Variants in USP49 observed in about 807,000 individuals in gnomAD.
USP49 encodes the protein ubiquitin specific peptidase 49.
A neutral mutation model predicts 58.6 loss-of-function variants in USP49; 24 were observed. The observed-to-expected ratio is 0.41, with a 90% CI of 0.30 to 0.58. The LOEUF (loss-of-function observed/expected upper bound fraction) is 0.58, where lower values mean the gene tolerates loss of function less well. Ranked by LOEUF, USP49 falls within the 20% of genes least tolerant of loss-of-function variation. USP49 has a pLI of 0.30. For missense variants in USP49, 703 were observed against 866.1 expected (o/e 0.81, Z 2.36); for synonymous variants, 408 against 365.1 (o/e 1.12, Z -1.34).
chr6:41,879,198 C>T (rs1192635378), intron 2 of USP49, among the ~76,000 whole-genome samples: 1 of 152,144 alleles, frequency 6.6e-6, no homozygotes, highest in Non-Finnish European at 1.5e-5. Context: ...AGTTTGAGAC[C>T]AGCCTGGCTA....
intron 3 of USP49, among the ~76,000 whole-genome samples, chr6:41,848,249 C>A (rs1773956840): frequency 6.6e-6 from 1 of 151,550 alleles, no homozygotes; most frequent in Admixed American, 6.6e-5. Context: ...ACATACATCG[C>A]TACAAAAAAA....
intron 7 of USP49, chr6:41,797,650 G>A: frequency 1.0e-6 from 1 of 985,864 alleles, no homozygotes; most frequent in South Asian, 4.7e-5. Flanking sequence ...CTCAGTAAAT[G>A]TTCTCGGCTT....
chr6:41,856,261 G>C lies in USP49; in HGVS notation c.-29+15303C>G, dbSNP rs1242857907. Among the ~76,000 whole-genome samples, 7 of 151,552 alleles carry C rather than the reference G, an allele frequency of 4.6e-5. No homozygotes were observed. In the South Asian group the frequency reaches 1.0e-3, roughly 23 times the overall value. On this transcript the variant is annotated intron_variant, in intron 3 of 7. Transcript: ENST00000682992. ...GTGGTGGCGGGCGCCTGTAGTCCCAGCTACTCGGAAGGCTGAGTCAGGAGA... is the reference window on the plus strand; with the variant it reads ...GTGGTGGCGGGCGCCTGTAGTCCCACCTACTCGGAAGGCTGAGTCAGGAGA...
chr6:41,818,349 A>G (rs1455835385), intron 3 of USP49, among the ~76,000 whole-genome samples: 3 of 152,178 alleles, frequency 2.0e-5, no homozygotes, highest in Non-Finnish European at 4.4e-5. Flanking sequence ...GTGTACACAC[A>G]CACACACATG....
intron 5 of USP49, among the ~76,000 whole-genome samples, chr6:41,800,436 AC>A (rs975207734): frequency 6.6e-6 from 1 of 152,240 alleles, no homozygotes; most frequent in Non-Finnish European, 1.5e-5. Flanking sequence ...GTCGACTGTT[AC>A]AAGCAACTCA....
At position 41,843,398 on chromosome 6, in the gene USP49, T is replaced by C. The variant is rs527725481; in HGVS notation, c.-29+28166A>G. ...AAAGTGCATCATCACGTTGGCTTTG[T>C]GTATAAGCATTGCGTATGTCGGAAA... On this transcript the variant is annotated intron_variant, in intron 3 of 7. Coordinates refer to ENST00000682992, the MANE Select transcript of USP49 (RefSeq NM_001286554.2). 1.2e-4 allele frequency among the ~76,000 whole-genome samples: 19 copies of C among 152,334 alleles called. 2 individuals carry two copies. The South Asian group carries it at 3.9e-3, about 32-fold the overall frequency.
intron 3 of USP49, among the ~76,000 whole-genome samples, chr6:41,862,306 T>A (rs932538200): frequency 1.3e-5 from 2 of 152,222 alleles, no homozygotes; most frequent in African/African-American, 4.8e-5. Context: ...CAGTAGTATT[T>A]GAGAATGCAT....
At chr6:41,852,368 A>T (rs1774046325) in intron 3 of USP49, among the ~76,000 whole-genome samples, 1 of 152,220 alleles carries the variant, frequency 6.6e-6, no homozygotes, top group African/African-American at 2.4e-5. Context: ...TTGCAAAAAA[A>T]TTGTTAGAAT....
chr6:41,798,565 G>A lies in USP49; in HGVS notation c.1876+159C>T, dbSNP rs988188819. 1.9e-5 allele frequency: 30 copies of A among 1,538,856 alleles called. No individual in the cohort carries two copies. The East Asian group carries it at 4.3e-4, about 22-fold the overall frequency. On this transcript the variant is annotated intron_variant, in intron 7 of 7. Coordinates refer to ENST00000682992, the MANE Select transcript of USP49 (RefSeq NM_001286554.2). Reference sequence around the variant, plus strand: ...CGCTAGGATTACAGGTGTGAGCCACGGCGCCCAACCCAATTTTCACAATTC... The same window carrying A: ...CGCTAGGATTACAGGTGTGAGCCACAGCGCCCAACCCAATTTTCACAATTC...
rs559091610 is a variant in USP49 at position 41,813,383 on chromosome 6, G to T, written c.-28-6372C>A. On this transcript the variant is annotated intron_variant, in intron 3 of 7. Transcript: ENST00000682992. ...CAGAGCTTCAAATCCTACAAAGAGA[G>T]AATTATTTCTGTAAATGAATATAGC... Among the ~76,000 whole-genome samples, 7 of 152,208 alleles carry T rather than the reference G, an allele frequency of 4.6e-5. No individual in the cohort carries two copies. In the South Asian group the frequency reaches 1.5e-3, roughly 32 times the overall value.
In USP49 at chr6:41,831,339, G is replaced by A. The variant is rs377560876; in HGVS notation, c.-28-24328C>T. On this transcript the variant is annotated intron_variant, in intron 3 of 7. Coordinates refer to ENST00000682992, the MANE Select transcript of USP49 (RefSeq NM_001286554.2). ...CAGGGGGTGGAGGTTGCAGTGAGCC[G>A]AGATTGTGCCGCTGCACTCCAGCCT... Among the ~76,000 whole-genome samples the A allele has an allele frequency of 3.4e-4, 51 of 151,780 alleles. 1 individual carries two copies. The East Asian group carries it at 9.4e-3, about 28-fold the overall frequency.
At chr6:41,831,668 C>A (rs1182818565) in intron 3 of USP49, among the ~76,000 whole-genome samples, 1 of 151,918 alleles carries the variant, frequency 6.6e-6, no homozygotes, top group Non-Finnish European at 1.5e-5. Context: ...GCTTCTAAAT[C>A]CATACTGCAC....
At chr6:41,858,167 A>G (rs1037507153) in intron 3 of USP49, among the ~76,000 whole-genome samples, 2 of 152,142 alleles carry the variant, frequency 1.3e-5, no homozygotes. Flanking sequence ...GTCCCTAATT[A>G]GAGACCTACC....
rs765402287 is a variant in USP49 at position 41,805,716 on chromosome 6, C to A, written c.1268G>T (p.Arg423Leu). The A allele has an allele frequency of 6.2e-7, 1 of 1,614,108 alleles. No individual in the cohort carries two copies. Among genetic ancestry groups the A allele is most frequent in the Non-Finnish European group, 8.5e-7 (1 of 1,180,002 alleles). The change falls in exon 4 of 8, where the codon CGG (arginine) becomes CTG (leucine). Residue 423 changes from arginine to leucine, a missense_variant. Arg to Leu is a moderately radical substitution (Grantham distance 102). Coordinates refer to ENST00000682992, the MANE Select transcript of USP49 (RefSeq NM_001286554.2). ...QELESEGTTR[R>L]ILIPFSQRKL... ...CCTCTGGGAGAAGGGGATGAGGATC[C>A]GGCGTGTGGTGCCCTCAGACTCGAG...
chr6:41,843,786 G>A (rs1773870769), intron 3 of USP49, among the ~76,000 whole-genome samples: 1 of 152,108 alleles, frequency 6.6e-6, no homozygotes, highest in South Asian at 2.1e-4. Context: ...GCTCATGCCT[G>A]TAATCTCAGC....
chr6:41,850,013 C>T (rs1469239266), intron 3 of USP49, among the ~76,000 whole-genome samples: 1 of 151,918 alleles, frequency 6.6e-6, no homozygotes, highest in Non-Finnish European at 1.5e-5. Context: ...CTTAAAATAG[C>T]CACAGGATCA....
At chr6:41,858,820 T>C (rs188262784) in intron 3 of USP49, among the ~76,000 whole-genome samples, 29 of 152,284 alleles carry the variant, frequency 1.9e-4, no homozygotes, top group Non-Finnish European at 3.4e-4. Flanking sequence ...TCCCAATTTG[T>C]TTTCCTCCCT....
intron 2 of USP49, among the ~76,000 whole-genome samples, chr6:41,876,264 TATCTTCATTGTC>T (rs1470291239): frequency 6.6e-6 from 1 of 152,194 alleles, no homozygotes; most frequent in African/African-American, 2.4e-5. Context: ...AGTGGAAACA[TATCTTCATTGTC>T]ACTGCCAATG....
rs1561903924 is a variant in USP49, at chr6:41,806,037, G to T, written c.947C>A (p.Ser316Tyr). Residue 316 changes from serine (S) to tyrosine (Y), a missense_variant, in exon 4 of 8, where the codon TCC becomes TAC. By Grantham distance (144) the Ser-to-Tyr change is moderately radical. Coordinates refer to ENST00000682992, the MANE Select transcript of USP49 (RefSeq NM_001286554.2). The surrounding 1 kb of genome is among the most constrained non-coding windows in gnomAD (Gnocchi z 5.9). ...TGCCTCGGCCCTGTCATTTCTCAAGGACAGCTCCGTGGCCGAGCTGTTGGT... is the reference window on the plus strand; with the variant it reads ...TGCCTCGGCCCTGTCATTTCTCAAGTACAGCTCCGTGGCCGAGCTGTTGGT... ...KPTNSSATEL[S>Y]LRNDRAEACE... The T allele has an allele frequency of 3.1e-6, 5 of 1,614,012 alleles. 1 individual carries two copies. In the South Asian group the frequency reaches 5.5e-5, roughly 18 times the overall value.
Sources: allele counts gnomAD v4.1 joint callset (sites outside exome capture counted in the v4.1 genomes callset), GRCh38; gene constraint gnomAD v4.1.1; non-coding constraint Gnocchi (gnomAD v3.1); transcripts MANE v1.5; gene names NCBI Gene and HGNC (gene_info 2026-07-23, HGNC 2026-07-21).